Variants in DNAH14 observed in about 807,000 individuals in gnomAD.
DNAH14 encodes axonemal beta dynein heavy chain 14.
Under a neutral mutation model 520.9 loss-of-function variants are expected in DNAH14, and 478 were observed. That is an observed-to-expected ratio of 0.92 (90% CI 0.85 to 0.99). DNAH14 has a LOEUF of 0.99. Ranked by LOEUF, DNAH14 falls within the 50% of genes least tolerant of loss-of-function variation. The pLI is 0.00. For missense variants in DNAH14, 4,831 were observed against 5,234.5 expected (o/e 0.92, Z 2.38); for synonymous variants, 1,581 against 1,757.2 (o/e 0.90, Z 2.51).
At chr1:225,126,068 G>T (rs2077690436) in intron 27 of DNAH14, among the ~76,000 whole-genome samples, 1 of 152,062 alleles carries the variant, frequency 6.6e-6, no homozygotes, top group Non-Finnish European at 1.5e-5. Context: ...TCTTACATGG[G>T]CATCATTTGT....
chr1:225,177,022 G>A (rs1232220928), intron 36 of DNAH14, among the ~76,000 whole-genome samples: 6 of 152,178 alleles, frequency 3.9e-5, no homozygotes, highest in Admixed American at 3.9e-4. Flanking sequence ...ACAGGAAAAT[G>A]TGGGAAAGTT....
chr1:224,995,339 T>A (rs957095710), intron 8 of DNAH14, among the ~76,000 whole-genome samples: 1 of 152,138 alleles, frequency 6.6e-6, no homozygotes, highest in Non-Finnish European at 1.5e-5. Context: ...GGGTTGTTTT[T>A]TTTTCCCCCT....
At chr1:225,277,677 A>T (rs1271847525) in intron 54 of DNAH14, among the ~76,000 whole-genome samples, 175 bp downstream of exon 54, 1 of 152,238 alleles carries the variant, frequency 6.6e-6, no homozygotes, top group East Asian at 1.9e-4. Context: ...ATCTGTCAGC[A>T]AATAAAAATG....
chr1:225,085,702 A>G lies in DNAH14; in HGVS notation c.3486A>G (p.Pro1162=), dbSNP rs1442397529. 6.4e-7 allele frequency: 1 copy of G among 1,551,410 alleles called. No homozygotes were observed. The highest frequency in any genetic ancestry group is 8.7e-7 in the Non-Finnish European group (1 of 1,146,790). Reference sequence around the variant, plus strand: ...AGATTTACTCTATCTTCATAATTCCATCTATAGATGACATATCAGCTCAGT... The same window carrying G: ...AGATTTACTCTATCTTCATAATTCCGTCTATAGATGACATATCAGCTCAGT... ...HTEIYSIFII[P]SIDDISAQLE... is the part of the protein sequence containing the mutation. Residue 1162 remains proline (P), a synonymous_variant, in exon 21 of 86, where the codon CCA becomes CCG. Transcript: ENST00000682510.
chr1:225,029,941 G>A (rs1337166003), intron 11 of DNAH14, among the ~76,000 whole-genome samples: 2 of 151,840 alleles, frequency 1.3e-5, no homozygotes, highest in African/African-American at 4.8e-5. Flanking sequence ...AATCATCATT[G>A]CAACCCATGG....
chr1:225,129,075 A>G lies in DNAH14; in HGVS notation c.4254+5461A>G, dbSNP rs1017447826. Among the ~76,000 whole-genome samples, 769 of 152,234 alleles carry G rather than the reference A, an allele frequency of 5.1e-3. 7 individuals carry two copies. Among genetic ancestry groups the G allele is most frequent in the Non-Finnish European group, 6.4e-3 (434 of 68,022 alleles). Reference sequence around the variant, plus strand: ...GTGAACTCCCATTCACAATTGCTTCAAAGAGAATAGAATACCTAGGAATCC... The same window carrying G: ...GTGAACTCCCATTCACAATTGCTTCGAAGAGAATAGAATACCTAGGAATCC... On this transcript the variant is annotated intron_variant, in intron 27 of 85. Coordinates refer to ENST00000682510, the MANE Select transcript of DNAH14 (RefSeq NM_001367479.1).
chr1:225,335,353 G>GTGTACATGTGTGTGTGCA (rs1553335256), intron 66 of DNAH14, among the ~76,000 whole-genome samples: 2 of 39,416 alleles, frequency 5.1e-5, no homozygotes, highest in Non-Finnish European at 9.9e-5. Flanking sequence ...GTGTGTATAT[G>GTGTACATGTGTGTGTGCA]CATATACACG....
At chr1:225,218,826 A>T (rs2149494997) in intron 41 of DNAH14, among the ~76,000 whole-genome samples, 2 of 152,282 alleles carry the variant, frequency 1.3e-5, no homozygotes, top group South Asian at 4.1e-4. Context: ...ACATCTACAG[A>T]ACTCTCCACC....
intron 44 of DNAH14, among the ~76,000 whole-genome samples, chr1:225,256,309 G>T (rs1432494115): frequency 1.3e-5 from 2 of 152,200 alleles, no homozygotes. Context: ...GTGCGCACGT[G>T]TTGGTCATCC....
intron 23 of DNAH14, among the ~76,000 whole-genome samples, chr1:225,112,551 C>T (rs1425947291): frequency 1.3e-5 from 2 of 151,998 alleles, no homozygotes; most frequent in Non-Finnish European, 2.9e-5. Context: ...CATTTCAACC[C>T]CTGTCTTCAT....
In DNAH14 at chr1:225,060,402, G is replaced by A. The variant is rs1387153766; in HGVS notation, c.2424+8607G>A. On this transcript the variant is annotated intron_variant, in intron 17 of 85. Transcript: ENST00000682510. The stretch of plus-strand genomic sequence containing the variant: ...GAACTTCTCTGCATTGGTTATTCTA[G>A]TTAGCCATTTGTCTAATTTTTTTTC... Among the ~76,000 whole-genome samples the A allele has an allele frequency of 2.0e-5, 3 of 151,940 alleles. No homozygotes were observed. The East Asian group carries it at 5.8e-4, about 29-fold the overall frequency.
In DNAH14 at chr1:225,122,680, TAAAG is replaced by T. The variant is rs2077394092; in HGVS notation, c.4167-844_4167-841del. 5.3e-5 allele frequency among the ~76,000 whole-genome samples: 8 copies of T among 152,170 alleles called. No homozygotes were observed. In the South Asian group the frequency reaches 1.2e-3, roughly 24 times the overall value. ...TAAGTTCCAAAGGTATTAAATAAAA[TAAAG>T]AATCATTTGTAGTTGATGGAAGAGA... On this transcript the variant is annotated intron_variant, in intron 26 of 85. Coordinates refer to ENST00000682510, the MANE Select transcript of DNAH14 (RefSeq NM_001367479.1).
intron 53 of DNAH14, among the ~76,000 whole-genome samples, chr1:225,276,979 AAGGAAGGGAGGGAGGAAGGAAGGGAGGG>A (rs1412292534): frequency 6.1e-5 from 3 of 49,314 alleles, no homozygotes; most frequent in African/African-American, 2.7e-4. Flanking sequence ...GGAAGGAAGG[AAGGAAGGGAGGGAGGAAGGAAGGGAGGG>A]AGGGAGGGAG....
chr1:224,933,254 A>G (rs543202628), intron 1 of DNAH14, among the ~76,000 whole-genome samples: 6 of 152,186 alleles, frequency 3.9e-5, no homozygotes, highest in Non-Finnish European at 7.4e-5. Flanking sequence ...TAGAAATGCT[A>G]CTGATTTTTG....
intron 1 of DNAH14, among the ~76,000 whole-genome samples, chr1:224,930,951 A>C (rs906692221): frequency 6.6e-6 from 1 of 152,212 alleles, no homozygotes; most frequent in Admixed American, 6.5e-5. Context: ...TATTAAAAAA[A>C]TGTTACCTGT....
chr1:225,331,366 A>T, intron 64 of DNAH14, 71 bp from the exon 65 acceptor site: 13 of 1,432,114 alleles, frequency 9.1e-6, no homozygotes, highest in Non-Finnish European at 1.2e-5. Flanking sequence ...ATTTATATAA[A>T]TGACAGCTAA....
At chr1:225,290,631 ATG>A (rs71170071) in intron 55 of DNAH14, among the ~76,000 whole-genome samples, 2,511 of 70,682 alleles carry the variant, frequency 0.036, 117 homozygotes, top group African/African-American at 0.081. Flanking sequence ...GTATAGATAT[ATG>A]TGTGTGTGTG....
At chr1:224,997,482 C>T (rs939693933) in intron 8 of DNAH14, among the ~76,000 whole-genome samples, 1 of 151,790 alleles carries the variant, frequency 6.6e-6, no homozygotes, top group African/African-American at 2.4e-5. Flanking sequence ...GTTCTGTGTT[C>T]TGTGGTCCAT....
chr1:225,174,635 T>A (rs934753424), intron 36 of DNAH14, among the ~76,000 whole-genome samples: 1 of 152,190 alleles, frequency 6.6e-6, no homozygotes, highest in African/African-American at 2.4e-5. Context: ...CAGCTTAAAT[T>A]TCTCCTTTCT....
Sources: allele counts gnomAD v4.1 joint callset (sites outside exome capture counted in the v4.1 genomes callset), GRCh38; gene constraint gnomAD v4.1.1; transcripts MANE v1.5; gene names NCBI Gene and HGNC (gene_info 2026-07-23, HGNC 2026-07-21).